ZNF76: variants seen among roughly 807,000 people sequenced by gnomAD.
The protein encoded by ZNF76 is zinc finger protein 523.
In ZNF76, 66 loss-of-function variants were observed where a neutral mutation model predicts 66.9. The ratio of observed to expected loss-of-function variants is 0.99; its 90% CI spans 0.81 to 1.21. The LOEUF is 1.21. Ranked by LOEUF, ZNF76 falls within the 50% of genes most tolerant of loss-of-function variation. ZNF76 has a pLI of 0.00. For missense variants in ZNF76, 729 were observed against 760.3 expected (o/e 0.96, Z 0.48); for synonymous variants, 275 against 296.1 (o/e 0.93, Z 0.73).
At position 35,291,369 on chromosome 6, in the gene ZNF76, A is replaced by G. The variant is rs1327089731; in HGVS notation, c.717A>G (p.Ser239=). The G allele has an allele frequency of 1.2e-6, 2 of 1,614,132 alleles. No individual in the cohort carries two copies. The highest frequency in any genetic ancestry group is 1.1e-5 in the South Asian group (1 of 91,080). Residue 239 remains serine (S), a synonymous_variant, in exon 8 of 14, where the codon TCA becomes TCG. Transcript: ENST00000373953. The part of the protein sequence containing the change: ...EELCSKAFKT[S]GDLQKHVRTH... ...TGTGCAGCAAGGCCTTCAAGACCTC[A>G]GGAGACCTGCAGAAGCATGTCCGTA... is the stretch of plus-strand genomic sequence containing the variant.
rs2150375541 is a variant in ZNF76, at chr6:35,291,565, C to T, written c.759C>T (p.Arg253=). Residue 253 remains arginine, a synonymous_variant, in exon 9 of 14, where the codon CGC becomes CGT. Transcript: ENST00000373953. The part of the protein sequence containing the change: ...QKHVRTHTGE[R]PFQCPFEGCG... ...ATCCCACCATTTGCATAGGTGAACG[C>T]CCGTTCCAGTGCCCTTTTGAGGGCT... The T allele has an allele frequency of 3.7e-6, 6 of 1,613,494 alleles. No individual in the cohort carries two copies. The highest frequency in any genetic ancestry group is 5.1e-6 in the Non-Finnish European group (6 of 1,179,490).
At chr6:35,273,736 A>AG (rs1366931159) in intron 1 of ZNF76, among the ~76,000 whole-genome samples, 4 of 150,826 alleles carry the variant, frequency 2.7e-5, no homozygotes, top group Non-Finnish European at 3.0e-5. Context: ...AAAAAAAAAA[A>AG]AAGAAATGGG....
chr6:35,276,197 T>TA (rs1787869880), intron 1 of ZNF76, among the ~76,000 whole-genome samples: 2 of 152,190 alleles, frequency 1.3e-5, no homozygotes, highest in South Asian at 2.1e-4. Context: ...TTATATGTGA[T>TA]AAAAATAAAT....
chr6:35,288,709 C>A (rs528990816), intron 5 of ZNF76, among the ~76,000 whole-genome samples: 3 of 152,210 alleles, frequency 2.0e-5, no homozygotes, highest in Non-Finnish European at 4.4e-5. Flanking sequence ...GTAATCCCAG[C>A]ACTTTGGGAG....
Position 35,272,054 on chromosome 6 carries a change from A to G in ZNF76, c.-96-9002A>G, listed in dbSNP as rs190048335. Among the ~76,000 whole-genome samples the G allele has an allele frequency of 4.4e-3, 671 of 151,432 alleles. 5 individuals are homozygous for G. The highest frequency in any genetic ancestry group is 0.027 in the Middle Eastern group (8 of 294). ...CAGGAGATCAAGGCTGCAGTGGGCT[A>G]TGATCATGCCACTGCACTCCAGCCT... On this transcript the variant is annotated intron_variant, in intron 1 of 13. Coordinates refer to ENST00000373953, the MANE Select transcript of ZNF76 (RefSeq NM_003427.5).
chr6:35,291,205 G>T, intron 7 of ZNF76, 73 bp from the exon 8 acceptor site: 1 of 1,541,786 alleles, frequency 6.5e-7, no homozygotes, highest in Non-Finnish European at 8.8e-7. Flanking sequence ...GAGAGCCTGT[G>T]CATGAGGTGG....
chr6:35,262,257 A>G (rs1036821870), intron 1 of ZNF76, among the ~76,000 whole-genome samples: 1 of 54,746 alleles, frequency 1.8e-5, no homozygotes, highest in Admixed American at 2.2e-4. Flanking sequence ...GCACCTCTTT[A>G]TGAGGAGGGT....
intron 11 of ZNF76, 72 bp downstream of exon 11, chr6:35,293,116 C>G: frequency 6.5e-7 from 1 of 1,538,352 alleles, no homozygotes; most frequent in Non-Finnish European, 8.7e-7. Context: ...TCTGGGAGCC[C>G]TGAAGTTCTG....
intron 8 of ZNF76, 52 bp from the exon 9 acceptor site, chr6:35,291,506 C>G: frequency 1.2e-6 from 2 of 1,606,648 alleles, no homozygotes; most frequent in South Asian, 2.2e-5. Flanking sequence ...CCAGCTTGCT[C>G]CAGCATGGCC....
rs746915713 is a variant in ZNF76, at chr6:35,287,902, G to A, written c.432+57G>A. 2.4e-5 allele frequency: 36 copies of A among 1,531,272 alleles called. No homozygotes were observed. Among genetic ancestry groups the A allele is most frequent in the African/African-American group, 4.1e-5 (3 of 72,720 alleles). 94.9% of individuals were successfully genotyped at this position (1,531,272 alleles called of 1,614,324 possible). ...CTCTAGACAACCGGGCCTGGCCTGC[G>A]CACTGCCTCTTGGCCCTGCCAGAAC... is the stretch of plus-strand genomic sequence containing the variant. On this transcript the variant is annotated intron_variant, in intron 5 of 13. Coordinates refer to ENST00000373953, the MANE Select transcript of ZNF76 (RefSeq NM_003427.5). This position sits in a 1 kb window ranked among gnomAD's most constrained non-coding sequence, Gnocchi z 4.0.
At chr6:35,284,322 G>A (rs546362636) in intron 2 of ZNF76, among the ~76,000 whole-genome samples, 1 of 152,118 alleles carries the variant, frequency 6.6e-6, no homozygotes, top group African/African-American at 2.4e-5. Context: ...TCGAACTCCC[G>A]ACCTCAGGTT....
intron 2 of ZNF76, among the ~76,000 whole-genome samples, chr6:35,284,296 G>A (rs1419294730): frequency 2.6e-5 from 4 of 151,884 alleles, no homozygotes; most frequent in African/African-American, 7.3e-5. Context: ...GTTTCATGAT[G>A]TTGGCTAGAC....
At position 35,291,828 on chromosome 6, in the gene ZNF76, G is replaced by A. The variant is rs763647571; in HGVS notation, c.931+91G>A. Reference sequence around the variant, plus strand: ...ATCTAAGACACATTCCCAACTCCCAGCCCAGAACCCTTCTGTGCCAGCCAT... The same window carrying A: ...ATCTAAGACACATTCCCAACTCCCAACCCAGAACCCTTCTGTGCCAGCCAT... On this transcript the variant is annotated intron_variant, in intron 9 of 13. Transcript: ENST00000373953. The A allele has an allele frequency of 1.8e-5, 27 of 1,475,632 alleles. No homozygotes were observed. In the Admixed American group the frequency reaches 2.5e-4, roughly 13 times the overall value. 91.4% of individuals were successfully genotyped at this position (1,475,632 alleles called of 1,614,324 possible).
intron 13 of ZNF76, 176 bp downstream of exon 13, chr6:35,294,745 T>C (rs1474246653): frequency 1.5e-6 from 1 of 662,180 alleles, no homozygotes; most frequent in Non-Finnish European, 2.7e-6. Flanking sequence ...CGCTCTTGGC[T>C]GAGGCAGAAT....
chr6:35,290,644 C>A lies in ZNF76; in HGVS notation c.553C>A (p.His185Asn), dbSNP rs769220409. Reference protein sequence around the residue: ...LYTTAHHLKVHERAHTGDRPY... With the variant: ...LYTTAHHLKVNERAHTGDRPY... Reference sequence around the variant, plus strand: ...ATGTGATTGCTTGTCCTCACAGGTGCATGAACGAGCTCATACAGGTGACCG... The same window carrying A: ...ATGTGATTGCTTGTCCTCACAGGTGAATGAACGAGCTCATACAGGTGACCG... The change falls in exon 7 of 14, where the codon CAT becomes AAT. Residue 185 changes from histidine (H) to asparagine (N), a missense_variant. By Grantham distance (68) the His-to-Asn change is moderately conservative. Transcript: ENST00000373953. 1.2e-6 allele frequency: 2 copies of A among 1,614,162 alleles called. No homozygotes were observed. Among genetic ancestry groups the A allele is most frequent in the Non-Finnish European group, 1.7e-6 (2 of 1,179,994 alleles).
chr6:35,286,028 C>A, intron 2 of ZNF76, 100 bp from the exon 3 acceptor site: 1 of 1,077,440 alleles, frequency 9.3e-7, no homozygotes, highest in Non-Finnish European at 1.4e-6. Flanking sequence ...CCTGCAGGCT[C>A]GTGCCTAGAG....
chr6:35,280,519 C>CCG (rs1554191500), intron 1 of ZNF76, among the ~76,000 whole-genome samples: 1 of 106,402 alleles, frequency 9.4e-6, no homozygotes, highest in Non-Finnish European at 2.0e-5. Context: ...AGCATGATCC[C>CCG]CCCCCCCCCC....
At position 35,295,163 on chromosome 6, in the gene ZNF76, T is replaced by TA; in HGVS notation, c.1629dup (p.Glu544ArgfsTer69). The stretch of plus-strand genomic sequence containing the variant: ...CCACAGCTGGAGGAACAGCAGACCT[T>TA]AGAGGAGGCCATCAATGTGGCCACT... On this transcript the variant is annotated frameshift_variant, in exon 14 of 14. Transcript: ENST00000373953. LOFTEE classifies it high-confidence loss of function. 6.2e-7 allele frequency: 1 copy of TA among 1,612,536 alleles called. No individual in the cohort carries two copies. Among genetic ancestry groups the TA allele is most frequent in the Non-Finnish European group, 8.5e-7 (1 of 1,179,328 alleles).
At chr6:35,260,386 T>C (rs140179900) in intron 1 of ZNF76, among the ~76,000 whole-genome samples, 1 of 151,936 alleles carries the variant, frequency 6.6e-6, no homozygotes, top group Non-Finnish European at 1.5e-5. Context: ...ACTCCAATAG[T>C]TTTCCACGCA....
Sources: gnomAD v4.1 joint callset for allele counts (sites outside exome capture counted in the v4.1 genomes callset) on GRCh38, gnomAD v4.1.1 for gene constraint, Gnocchi (gnomAD v3.1) non-coding constraint, MANE v1.5 for transcripts, NCBI Gene and HGNC (gene_info 2026-07-23, HGNC 2026-07-21) for gene names.